The following PTPN4 variants were observed in gnomAD, a reference collection of about 807,000 sequenced individuals.
PTPN4 encodes the protein tyrosine-protein phosphatase non-receptor type 4.
In PTPN4, 49 loss-of-function variants were observed where a neutral mutation model predicts 135.5. The observed-to-expected ratio is 0.36, with a 90% CI of 0.29 to 0.46. The LOEUF is 0.46. Among genes scored for constraint, PTPN4 ranks in the 20% least tolerant of loss-of-function variants. The pLI is 1.00. For missense variants in PTPN4, 860 were observed against 1,101.0 expected (o/e 0.78, Z 3.10); for synonymous variants, 333 against 369.9 (o/e 0.90, Z 1.14).
chr2:119,975,619 G>A (rs757492718), intron 26 of PTPN4, among the ~76,000 whole-genome samples: 1 of 152,094 alleles, frequency 6.6e-6, no homozygotes, highest in Non-Finnish European at 1.5e-5. Context: ...CAGCTACTCC[G>A]GAGGCTGAGG....
intron 9 of PTPN4, among the ~76,000 whole-genome samples, chr2:119,899,674 C>T (rs1678376383): frequency 6.6e-6 from 1 of 152,102 alleles, no homozygotes; most frequent in African/African-American, 2.4e-5. Flanking sequence ...CATTTAGGCT[C>T]AGTCTTAACA....
chr2:119,967,007 A>G (rs1301606589), intron 25 of PTPN4, among the ~76,000 whole-genome samples: 1 of 152,242 alleles, frequency 6.6e-6, no homozygotes, highest in Non-Finnish European at 1.5e-5. Flanking sequence ...AATCTTCAAA[A>G]CAGATTATAG....
chr2:119,822,578 C>G (rs1266409570), intron 2 of PTPN4, among the ~76,000 whole-genome samples: 3 of 152,086 alleles, frequency 2.0e-5, no homozygotes, highest in Admixed American at 1.3e-4. Context: ...AGGTTGGTCT[C>G]GATCTCCTCA....
In PTPN4 at chr2:119,931,433, C is replaced by CTT. The variant is rs1158907026; in HGVS notation, c.1071-966_1071-965dup. 2.4e-3 allele frequency among the ~76,000 whole-genome samples: 201 copies of CTT among 83,354 alleles called. 4 individuals are homozygous for CTT. Among genetic ancestry groups the CTT allele is most frequent in the African/African-American group, 4.8e-3 (96 of 20,182 alleles). The allele number at this position is 83,354 out of a possible 152,430, so 54.7% of individuals were successfully genotyped here. A position where few individuals can be genotyped will look rare whatever the true frequency, so the allele number is the denominator to read the frequency against. Reference sequence around the variant, plus strand: ...TATGAAGATCTTTCTTTCTTTCTTTCTTTTTTTTTTTTTTTTTTTTTTTTT... The same window carrying CTT: ...TATGAAGATCTTTCTTTCTTTCTTTCTTTTTTTTTTTTTTTTTTTTTTTTTTT... On this transcript the variant is annotated intron_variant, in intron 13 of 26. Coordinates refer to ENST00000263708, the MANE Select transcript of PTPN4 (RefSeq NM_002830.4).
Position 119,915,166 on chromosome 2 carries a change from G to A in PTPN4, c.765-13G>A. The A allele has an allele frequency of 1.3e-6, 2 of 1,506,558 alleles. No homozygotes were observed. Among genetic ancestry groups the A allele is most frequent in the Non-Finnish European group, 1.8e-6 (2 of 1,124,388 alleles). 93.3% of individuals were successfully genotyped at this position (1,506,558 alleles called of 1,614,324 possible). A position where few individuals can be genotyped will look rare whatever the true frequency, so the allele number is the denominator to read the frequency against. On this transcript the variant is annotated splice_polypyrimidine_tract_variant and intron_variant, in intron 10 of 26. Coordinates refer to ENST00000263708, the MANE Select transcript of PTPN4 (RefSeq NM_002830.4). The stretch of plus-strand genomic sequence containing the variant: ...TATTCAATACTTTGAATAATTTATT[G>A]TCTTTTGTCCAGGTTGAAGATTGTA...
chr2:119,909,278 T>G (rs958231771), intron 10 of PTPN4, among the ~76,000 whole-genome samples: 1 of 152,186 alleles, frequency 6.6e-6, no homozygotes, highest in Non-Finnish European at 1.5e-5. Flanking sequence ...GACTCTCTTG[T>G]TGCGGAATAA....
chr2:119,915,280 C>G (rs753120593), intron 11 of PTPN4, 38 bp downstream of exon 11: 1 of 1,463,748 alleles, frequency 6.8e-7, no homozygotes, highest in Non-Finnish European at 9.2e-7. Context: ...ATAAATGAAG[C>G]CTTTTAAGAA....
At chr2:119,970,552 G>T (rs140771297) in intron 26 of PTPN4, among the ~76,000 whole-genome samples, 187 of 152,126 alleles carry the variant, frequency 1.2e-3, no homozygotes, top group African/African-American at 4.3e-3. Flanking sequence ...ATATGAATGA[G>T]ATCATACACT....
At chr2:119,926,553 T>C (rs762022167) in intron 12 of PTPN4, 45 bp from the exon 13 acceptor site, 3 of 1,329,432 alleles carry the variant, frequency 2.3e-6, no homozygotes, top group East Asian at 4.7e-5. Flanking sequence ...TTTTATCTTA[T>C]AGTTCTCTTA....
intron 25 of PTPN4, among the ~76,000 whole-genome samples, chr2:119,965,979 A>G (rs759499800): frequency 6.6e-6 from 1 of 152,234 alleles, no homozygotes; most frequent in African/African-American, 2.4e-5. Context: ...GTAACAAAAT[A>G]TTCGAGACTG....
intron 9 of PTPN4, among the ~76,000 whole-genome samples, chr2:119,893,123 AT>A (rs1678265611): frequency 6.6e-6 from 1 of 152,212 alleles, no homozygotes; most frequent in Admixed American, 6.5e-5. Context: ...CATTTTTAAA[AT>A]ATAACAATGA....
intron 13 of PTPN4, among the ~76,000 whole-genome samples, chr2:119,932,096 G>A (rs1229150313): frequency 6.6e-6 from 1 of 152,182 alleles, no homozygotes; most frequent in African/African-American, 2.4e-5. Context: ...TATCTGTCTT[G>A]TCAGTAACAT....
Position 119,982,055 on chromosome 2 carries a change from G to A in PTPN4, c.*4985G>A, listed in dbSNP as rs1186568474. The A allele has an allele frequency of 6.6e-6, 1 of 152,178 alleles. No individual in the cohort carries two copies. Among genetic ancestry groups the A allele is most frequent in the Non-Finnish European group, 1.5e-5 (1 of 68,012 alleles). 9.4% of individuals were successfully genotyped at this position (152,178 alleles called of 1,614,324 possible). ...AAAAAATTTTACTAAGCAAAAGGTA[G>A]TAGCAATATTGCTAGTTAAAGATTA... On this transcript the variant is annotated 3_prime_UTR_variant, in exon 27 of 27. Coordinates refer to ENST00000263708, the MANE Select transcript of PTPN4 (RefSeq NM_002830.4).
At chr2:119,873,194 G>GT (rs951775157) in intron 3 of PTPN4, among the ~76,000 whole-genome samples, 5 of 150,226 alleles carry the variant, frequency 3.3e-5, no homozygotes, top group East Asian at 2.0e-4. Flanking sequence ...TGTTGTTGTT[G>GT]TTTTTTTTGT....
chr2:119,883,054 T>C (rs1484792760), intron 8 of PTPN4, among the ~76,000 whole-genome samples: 1 of 152,116 alleles, frequency 6.6e-6, no homozygotes, highest in Non-Finnish European at 1.5e-5. Context: ...TTAAGAACAG[T>C]ACAGGTTGAA....
chr2:119,836,968 A>T (rs948970126), intron 2 of PTPN4, among the ~76,000 whole-genome samples: 1 of 152,152 alleles, frequency 6.6e-6, no homozygotes, highest in Non-Finnish European at 1.5e-5. Flanking sequence ...GGCACCGTGG[A>T]CGAAATGATT....
chr2:119,816,410 A>C (rs1479378855), intron 2 of PTPN4, among the ~76,000 whole-genome samples: 1 of 152,140 alleles, frequency 6.6e-6, no homozygotes, highest in East Asian at 1.9e-4. Flanking sequence ...AAAATCAAAA[A>C]TTAAAAATCT....
At chr2:119,842,360 AAGAAAG>A (rs1677394083) in intron 2 of PTPN4, among the ~76,000 whole-genome samples, 1 of 152,234 alleles carries the variant, frequency 6.6e-6, no homozygotes, top group Non-Finnish European at 1.5e-5. Context: ...GTTCAAGACT[AAGAAAG>A]AGACCACATG....
At position 119,944,771 on chromosome 2, in the gene PTPN4, CG is replaced by C. The variant is rs1441181992; in HGVS notation, c.1356-309del. 4.6e-5 allele frequency among the ~76,000 whole-genome samples: 7 copies of C among 152,192 alleles called. No individual in the cohort carries two copies. The East Asian group carries it at 1.4e-3, about 29-fold the overall frequency. Reference sequence around the variant, plus strand: ...CTTGCCTACCTTATTCCTGGCTACCCGTGACTCCTCTGACAACCTTAAAAAA... The same window carrying C: ...CTTGCCTACCTTATTCCTGGCTACCCTGACTCCTCTGACAACCTTAAAAAA... On this transcript the variant is annotated intron_variant, in intron 15 of 26. Coordinates refer to ENST00000263708, the MANE Select transcript of PTPN4 (RefSeq NM_002830.4).
Sources: allele counts gnomAD v4.1 joint callset (sites outside exome capture counted in the v4.1 genomes callset), GRCh38; gene constraint gnomAD v4.1.1; transcripts MANE v1.5; gene names NCBI Gene and HGNC (gene_info 2026-07-23, HGNC 2026-07-21).